Variants in GPC3 observed in about 807,000 individuals in gnomAD.
GPC3 encodes the protein glypican 3.
A neutral mutation model predicts 34.4 loss-of-function variants in GPC3; 3 were observed. The ratio of observed to expected loss-of-function variants is 0.09; its 90% CI spans 0.04 to 0.23. The LOEUF (loss-of-function observed/expected upper bound fraction) is 0.23, where lower values mean the gene tolerates loss of function less well. GPC3 is among the 10% of genes least tolerant of loss of function. The pLI, the probability that GPC3 is intolerant of heterozygous loss-of-function variation, is 1.00. For missense variants in GPC3, 351 were observed against 445.6 expected (o/e 0.79, Z 1.91); for synonymous variants, 177 against 174.0 (o/e 1.02, Z -0.13).
chrX:133,653,258 G>A (rs757112518), intron 6 of GPC3, among the ~76,000 whole-genome samples: 3 of 111,531 alleles, frequency 2.7e-5, no homozygotes, highest in Non-Finnish European at 3.8e-5. Flanking sequence ...TTTTAAAAAC[G>A]GAGCTGCTCT....
In GPC3 at chrX:133,890,585, C is replaced by T. The variant is rs186155219; in HGVS notation, c.337+62465G>A. 1.2e-4 allele frequency among the ~76,000 whole-genome samples: 13 copies of T among 110,081 alleles called. No homozygotes were observed. The East Asian group carries it at 1.7e-3, about 14-fold the overall frequency. On this transcript the variant is annotated intron_variant, in intron 2 of 7. Transcript: ENST00000370818. ...ATAAAAATAAAAAAAAGGTCGGGTGCGGTGGCTCATGCCTGTAATCCTAGC... is the reference window on the plus strand; with the variant it reads ...ATAAAAATAAAAAAAAGGTCGGGTGTGGTGGCTCATGCCTGTAATCCTAGC...
intron 3 of GPC3, among the ~76,000 whole-genome samples, chrX:133,745,704 T>C (rs940609428): frequency 4.4e-5 from 5 of 112,472 alleles, no homozygotes; most frequent in African/African-American, 1.6e-4. Context: ...GCTAACTGTC[T>C]TTTACTAACT....
At chrX:133,708,508 G>A (rs1378523062) in intron 3 of GPC3, among the ~76,000 whole-genome samples, 1 of 111,465 alleles carries the variant, frequency 9.0e-6, no homozygotes, top group Non-Finnish European at 1.9e-5. Flanking sequence ...TGTATATTGT[G>A]TGATGTAAAG....
rs2075610516 is a variant in GPC3, at chrX:133,801,686, ACAC to A, written c.338-47513_338-47511del. 8.9e-5 allele frequency among the ~76,000 whole-genome samples: 10 copies of A among 112,408 alleles called. No homozygotes were observed. In the Admixed American group the frequency reaches 9.4e-4, roughly 11 times the overall value. On this transcript the variant is annotated intron_variant, in intron 2 of 7. Coordinates refer to ENST00000370818, the MANE Select transcript of GPC3 (RefSeq NM_004484.4). ...AGGGATTTTAATTAAAAGGTCAAGA[ACAC>A]TAAAATACAACAAGACATGTATCAG... is the stretch of plus-strand genomic sequence containing the variant.
At chrX:133,574,315 G>A (rs2069657538) in intron 7 of GPC3, among the ~76,000 whole-genome samples, 1 of 110,905 alleles carries the variant, frequency 9.0e-6, no homozygotes, top group Non-Finnish European at 1.9e-5. Flanking sequence ...TGAATTGTAT[G>A]GTTATGTGAA....
intron 3 of GPC3, among the ~76,000 whole-genome samples, chrX:133,741,399 C>T (rs981458997): frequency 1.4e-4 from 16 of 111,250 alleles, no homozygotes; most frequent in Middle Eastern, 4.6e-3. Context: ...CAAGGCCACA[C>T]GTAGAAAACA....
At chrX:133,824,728 T>A (rs1788808563) in intron 2 of GPC3, among the ~76,000 whole-genome samples, 1 of 110,245 alleles carries the variant, frequency 9.1e-6, no homozygotes, top group Non-Finnish European at 1.9e-5. Flanking sequence ...TTACAATGCA[T>A]CAATTTAAAA....
At chrX:133,757,284 C>T (rs1484965930) in intron 2 of GPC3, among the ~76,000 whole-genome samples, 1 of 111,700 alleles carries the variant, frequency 9.0e-6, no homozygotes, top group Non-Finnish European at 1.9e-5. Context: ...GCCCCATTAT[C>T]ATTCTGGTCA....
At chrX:133,953,558 T>C (rs1472817763) in intron 1 of GPC3, among the ~76,000 whole-genome samples, 1 of 111,847 alleles carries the variant, frequency 8.9e-6, no homozygotes, top group Non-Finnish European at 1.9e-5. Flanking sequence ...TCTTCACTCC[T>C]ATAATTTATT....
intron 2 of GPC3, among the ~76,000 whole-genome samples, chrX:133,882,954 T>G (rs898592294): frequency 1.8e-5 from 2 of 111,179 alleles, no homozygotes; most frequent in Non-Finnish European, 3.8e-5. Context: ...ATCCATCTTG[T>G]GCTCAAATAG....
chrX:133,824,166 CA>C (rs1390624884), intron 2 of GPC3, among the ~76,000 whole-genome samples: 1 of 109,582 alleles, frequency 9.1e-6, no homozygotes, highest in Admixed American at 9.7e-5. Flanking sequence ...GAATGAGAAA[CA>C]GAAAGGAAAA....
At chrX:133,731,535 C>A (rs1201585069) in intron 3 of GPC3, among the ~76,000 whole-genome samples, 1 of 111,318 alleles carries the variant, frequency 9.0e-6, no homozygotes, top group Non-Finnish European at 1.9e-5. Context: ...GCTTACTTTG[C>A]CATATTTCTA....
At chrX:133,899,918 T>C (rs1322377297) in intron 2 of GPC3, among the ~76,000 whole-genome samples, 1 of 111,517 alleles carries the variant, frequency 9.0e-6, no homozygotes, top group East Asian at 2.8e-4. Context: ...TTCTCTTGCG[T>C]CAGCCTCCTG....
intron 2 of GPC3, among the ~76,000 whole-genome samples, chrX:133,877,188 T>C (rs778414491): frequency 1.8e-5 from 2 of 111,763 alleles, no homozygotes; most frequent in African/African-American, 6.5e-5. Flanking sequence ...GTCCTCACTA[T>C]ATATCAAATT....
intron 6 of GPC3, among the ~76,000 whole-genome samples, chrX:133,657,147 G>C (rs1313077397): frequency 8.9e-6 from 1 of 111,921 alleles, no homozygotes. Context: ...AACAATTTCT[G>C]GTATTTCGTT....
In GPC3 at chrX:133,711,640, C is replaced by G. The variant is rs140571598; in HGVS notation, c.1033-11612G>C. Among the ~76,000 whole-genome samples the G allele has an allele frequency of 1.9e-3, 212 of 111,862 alleles. 1 individual carries two copies. The highest frequency in any genetic ancestry group is 6.6e-3 in the African/African-American group (203 of 30,799). On this transcript the variant is annotated intron_variant, in intron 3 of 7. Coordinates refer to ENST00000370818, the MANE Select transcript of GPC3 (RefSeq NM_004484.4). ...TCTCGGGAGGTCCTAAAGGGCAAAC[C>G]TATTTTCATAATAATACTAAGACTT...
chrX:133,892,085 T>A (rs1431352745), intron 2 of GPC3, among the ~76,000 whole-genome samples: 1 of 110,865 alleles, frequency 9.0e-6, no homozygotes, highest in African/African-American at 3.3e-5. Flanking sequence ...ATGCAGAGTA[T>A]TTCCTAGCCC....
intron 6 of GPC3, among the ~76,000 whole-genome samples, chrX:133,652,238 A>G (rs1312236841): frequency 3.6e-5 from 4 of 111,976 alleles, no homozygotes; most frequent in Admixed American, 9.5e-5. Context: ...TAATAACCAT[A>G]AGAATCCTCA....
chrX:133,645,158 TC>T (rs749797615), intron 6 of GPC3, among the ~76,000 whole-genome samples: 1 of 111,582 alleles, frequency 9.0e-6, no homozygotes, highest in Admixed American at 9.5e-5. Context: ...CTCCTAGATG[TC>T]CCCCACACAG....
Sources: gnomAD v4.1 joint callset for allele counts (sites outside exome capture counted in the v4.1 genomes callset) on GRCh38, gnomAD v4.1.1 for gene constraint, MANE v1.5 for transcripts, NCBI Gene and HGNC (gene_info 2026-07-23, HGNC 2026-07-21) for gene names.